Variants in DPH3 observed in about 807,000 individuals in gnomAD.
The protein encoded by DPH3 is diphthamide biosynthesis protein 3.
DPH3 carries 8 observed loss-of-function variants against 10.2 expected under a neutral mutation model. The observed-to-expected ratio is 0.79, with a 90% confidence interval of 0.46 to 1.42. DPH3 has a LOEUF of 1.42. Ranked by LOEUF, DPH3 falls within the 40% of genes most tolerant of loss-of-function variation. DPH3 has a pLI of 0.00. For synonymous variants in DPH3, 35 were observed against 35.6 expected (o/e 0.98, Z 0.06); for missense variants, 96 against 98.9 (o/e 0.97, Z 0.12).
chr3:16,264,673 G>T, intron 1 of DPH3, 96 bp downstream of exon 1: 1 of 1,205,912 alleles, frequency 8.3e-7, no homozygotes, highest in Non-Finnish European at 1.2e-6. Context: ...GGGCGTGGGT[G>T]ACACAGCGCA....
rs752360788 is a variant in DPH3 at position 16,260,585 on chromosome 3, A to G, written c.*179T>C. ...TTAAGGTTCTAAGCACAAAATCCAG[A>G]TATGTCATGTTATGGACTTGCTTCC... On this transcript the variant is annotated 3_prime_UTR_variant, in exon 3 of 3. Coordinates refer to ENST00000488423, the MANE Select transcript of DPH3 (RefSeq NM_206831.3). The G allele has an allele frequency of 1.6e-5, 8 of 509,602 alleles. No homozygotes were observed. Among genetic ancestry groups the G allele is most frequent in the African/African-American group, 1.9e-5 (1 of 52,480 alleles). The allele number at this position is 509,602 out of a possible 1,614,324, so 31.6% of individuals were successfully genotyped here. A position where few individuals can be genotyped will look rare whatever the true frequency, so the allele number is the denominator to read the frequency against.
At chr3:16,264,487 G>A (rs186588097) in intron 1 of DPH3, 265 of 557,132 alleles carry the variant, frequency 4.8e-4, no homozygotes, top group African/African-American at 4.7e-3. Flanking sequence ...TCCCCTCCTC[G>A]ACAGAAATAT....
At chr3:16,264,537 C>CA (rs1450799008) in intron 1 of DPH3, 1 of 586,916 alleles carries the variant, frequency 1.7e-6, no homozygotes, top group Non-Finnish European at 3.0e-6. Flanking sequence ...GGCAGAGAGA[C>CA]AGAGGCTCTC....
Position 16,260,030 on chromosome 3 carries a change from T to C in DPH3, c.*734A>G, listed in dbSNP as rs551703003. On this transcript the variant is annotated 3_prime_UTR_variant, in exon 3 of 3. Transcript: ENST00000488423. Reference sequence around the variant, plus strand: ...CAATTTCACTTCTTTTGGATGTTTTTCTTTTCATCTTGTCCTGACTTCCAA... The same window carrying C: ...CAATTTCACTTCTTTTGGATGTTTTCCTTTTCATCTTGTCCTGACTTCCAA... The C allele has an allele frequency of 2.2e-4, 34 of 152,352 alleles. No homozygotes were observed. The highest frequency in any genetic ancestry group is 8.2e-4 in the African/African-American group (34 of 41,582). The allele number at this position is 152,352 out of a possible 1,614,324, so 9.4% of individuals were successfully genotyped here. A position where few individuals can be genotyped will look rare whatever the true frequency, so the allele number is the denominator to read the frequency against.
Position 16,263,977 on chromosome 3 carries a change from A to C in DPH3, c.183+178T>G, listed in dbSNP as rs2064338684. On this transcript the variant is annotated intron_variant, in intron 2 of 2. Coordinates refer to ENST00000488423, the MANE Select transcript of DPH3 (RefSeq NM_206831.3). The surrounding 1 kb of genome is among the most constrained non-coding windows in gnomAD (Gnocchi z 4.0). ...AAATAAATTACGTAATCTGAACTTT[A>C]AACGTTTTAATTTACTATTCGGCTG... is the stretch of plus-strand genomic sequence containing the variant. Among the ~76,000 whole-genome samples the C allele has an allele frequency of 6.6e-6, 1 of 152,234 alleles. No individual in the cohort carries two copies. Among genetic ancestry groups the C allele is most frequent in the South Asian group, 2.1e-4 (1 of 4,836 alleles).
chr3:16,260,689 GCC>G lies in DPH3; in HGVS notation c.*73_*74del. The G allele has an allele frequency of 7.6e-7, 1 of 1,317,724 alleles. No homozygotes were observed. Among genetic ancestry groups the G allele is most frequent in the Non-Finnish European group, 1.1e-6 (1 of 926,278 alleles). 81.6% of individuals were successfully genotyped at this position (1,317,724 alleles called of 1,614,324 possible). A position where few individuals can be genotyped will look rare whatever the true frequency, so the allele number is the denominator to read the frequency against. ...AATCATAAATGGTTGTCTCTGTGAA[GCC>G]AGTAGCTTTGCATTCGATATTTCTA... On this transcript the variant is annotated 3_prime_UTR_variant, in exon 3 of 3. Transcript: ENST00000488423.
Position 16,260,722 on chromosome 3 carries a change from G to C in DPH3, c.*42C>G. ...CTTTGCATTCGATATTTCTATCTGG[G>C]CTCATTCCAAATGTTCAGGATTTGG... On this transcript the variant is annotated 3_prime_UTR_variant, in exon 3 of 3. Coordinates refer to ENST00000488423, the MANE Select transcript of DPH3 (RefSeq NM_206831.3). The C allele has an allele frequency of 6.4e-7, 1 of 1,551,010 alleles. No individual in the cohort carries two copies. The highest frequency in any genetic ancestry group is 1.1e-5 in the South Asian group (1 of 88,566).
In DPH3 at chr3:16,261,972, A is replaced by T. The variant is rs1003148867; in HGVS notation, c.184-1143T>A. ...ACCATATTCATCCTACCACCCTTTC[A>T]CTGCCCCTCACTCCCTTCATGTTCT... On this transcript the variant is annotated intron_variant, in intron 2 of 2. Transcript: ENST00000488423. The surrounding 1 kb of genome is among the most constrained non-coding windows in gnomAD (Gnocchi z 7.1). 1.4e-5 allele frequency among the ~76,000 whole-genome samples: 2 copies of T among 147,752 alleles called. No homozygotes were observed. The highest frequency in any genetic ancestry group is 5.1e-5 in the African/African-American group (2 of 39,506).
Position 16,261,325 on chromosome 3 carries a change from T to C in DPH3, c.184-496A>G, listed in dbSNP as rs902341559. On this transcript the variant is annotated intron_variant, in intron 2 of 2. Transcript: ENST00000488423. This position sits in a 1 kb window ranked among gnomAD's most constrained non-coding sequence, Gnocchi z 7.1. ...ATCTCTGGTCTTTTATCCTGGCTTA[T>C]GTCAGCTACCACCAAAAATCTCTGC... Among the ~76,000 whole-genome samples the C allele has an allele frequency of 1.1e-4, 17 of 152,254 alleles. No individual in the cohort carries two copies. The highest frequency in any genetic ancestry group is 2.1e-4 in the Non-Finnish European group (14 of 68,044).
chr3:16,261,022 A>G lies in DPH3; in HGVS notation c.184-193T>C, dbSNP rs1336784788. Among the ~76,000 whole-genome samples the G allele has an allele frequency of 6.6e-6, 1 of 152,206 alleles. No individual in the cohort carries two copies. The highest frequency in any genetic ancestry group is 1.9e-4 in the East Asian group (1 of 5,204). ...ATCTTAAACATGTATCAGTTTTTTGATCTGAATTCATTATTTAATACAAAG... is the reference window on the plus strand; with the variant it reads ...ATCTTAAACATGTATCAGTTTTTTGGTCTGAATTCATTATTTAATACAAAG... On this transcript the variant is annotated intron_variant, in intron 2 of 2. Coordinates refer to ENST00000488423, the MANE Select transcript of DPH3 (RefSeq NM_206831.3). The surrounding 1 kb of genome is among the most constrained non-coding windows in gnomAD (Gnocchi z 7.1).
At position 16,264,843 on chromosome 3, in the gene DPH3, C is replaced by A. The variant is rs1324736364; in HGVS notation, c.34G>T (p.Asp12Tyr). The A allele has an allele frequency of 6.2e-7, 1 of 1,614,232 alleles. No individual in the cohort carries two copies. The stretch of plus-strand genomic sequence containing the variant: ...TCCGAGTCCTCGTCATATTGGAAGT[C>A]CTCGATTTCCACCTCGTCATGAAAC... ...AVFHDEVEIE[D>Y]FQYDEDSETY... The change falls in exon 1 of 3, where the codon GAC becomes TAC. Residue 12 changes from aspartate to tyrosine, a missense_variant. By Grantham distance (160) the Asp-to-Tyr change is radical (BLOSUM62 -3). Coordinates refer to ENST00000488423, the MANE Select transcript of DPH3 (RefSeq NM_206831.3).
chr3:16,258,229 T>TA lies in DPH3; in HGVS notation c.*2534dup, dbSNP rs1427091322. Reference sequence around the variant, plus strand: ...ATTTAGTTTGAGTTTATAAAGGTTTTAATTGCAATTTCAGTTCCTACAAGC... The same window carrying TA: ...ATTTAGTTTGAGTTTATAAAGGTTTTAAATTGCAATTTCAGTTCCTACAAGC... On this transcript the variant is annotated 3_prime_UTR_variant, in exon 3 of 3. Coordinates refer to ENST00000488423, the MANE Select transcript of DPH3 (RefSeq NM_206831.3). 1 of 152,212 alleles carries TA rather than the reference T, an allele frequency of 6.6e-6. No homozygotes were observed. Among genetic ancestry groups the TA allele is most frequent in the East Asian group, 1.9e-4 (1 of 5,202 alleles). The allele number at this position is 152,212 out of a possible 1,614,324, so 9.4% of individuals were successfully genotyped here. A position where few individuals can be genotyped will look rare whatever the true frequency, so the allele number is the denominator to read the frequency against.
chr3:16,264,812 TAC>T lies in DPH3; in HGVS notation c.63_64del (p.Tyr22PhefsTer9), dbSNP rs2064374973. On this transcript the variant is annotated frameshift_variant, in exon 1 of 3. Transcript: ENST00000488423. LOFTEE classifies it high-confidence loss of function. ...ATCTCCACATGGGCAGGGATAGAAA[TAC>T]GTCTCCGAGTCCTCGTCATATTGGA... The T allele has an allele frequency of 6.2e-7, 1 of 1,614,080 alleles. No individual in the cohort carries two copies. The highest frequency in any genetic ancestry group is 1.1e-5 in the South Asian group (1 of 91,086).
rs1048408233 is a variant in DPH3 at position 16,261,337 on chromosome 3, C to T, written c.184-508G>A. Among the ~76,000 whole-genome samples, 1 of 152,184 alleles carries T rather than the reference C, an allele frequency of 6.6e-6. No homozygotes were observed. The highest frequency in any genetic ancestry group is 2.4e-5 in the African/African-American group (1 of 41,458). ...TTATCCTGGCTTATGTCAGCTACCA[C>T]CAAAAATCTCTGCTTCCAAGGTTAT... On this transcript the variant is annotated intron_variant, in intron 2 of 2. Coordinates refer to ENST00000488423, the MANE Select transcript of DPH3 (RefSeq NM_206831.3). The surrounding 1 kb of genome is among the most constrained non-coding windows in gnomAD (Gnocchi z 7.1).
In DPH3 at chr3:16,257,349, A is replaced by G. The variant is rs1049330077; in HGVS notation, c.*3415T>C. Among the ~76,000 whole-genome samples the G allele has an allele frequency of 2.0e-5, 3 of 152,300 alleles. No individual in the cohort carries two copies. The highest frequency in any genetic ancestry group is 2.4e-5 in the African/African-American group (1 of 41,562). On this transcript the variant is annotated 3_prime_UTR_variant, in exon 3 of 3. Transcript: ENST00000488423. ...ACCTGACCCAGTTACTCTCTCCCACATCACCTGGTTTGTTTCCTTGGGGGC... is the reference window on the plus strand; with the variant it reads ...ACCTGACCCAGTTACTCTCTCCCACGTCACCTGGTTTGTTTCCTTGGGGGC...
rs182898150 is a variant in DPH3, at chr3:16,261,790, A to G, written c.184-961T>C. Among the ~76,000 whole-genome samples the G allele has an allele frequency of 2.2e-3, 336 of 152,298 alleles. 2 individuals are homozygous for G. Among genetic ancestry groups the G allele is most frequent in the African/African-American group, 7.9e-3 (328 of 41,578 alleles). On this transcript the variant is annotated intron_variant, in intron 2 of 2. Transcript: ENST00000488423. This position sits in a 1 kb window ranked among gnomAD's most constrained non-coding sequence, Gnocchi z 7.1. Reference sequence around the variant, plus strand: ...AGAGTCCTAGTACCAGAGGGATTGGAAGTGGGGCTAGTTCCTCCTTTTTGC... The same window carrying G: ...AGAGTCCTAGTACCAGAGGGATTGGGAGTGGGGCTAGTTCCTCCTTTTTGC...
Sources: allele counts gnomAD v4.1 joint callset (sites outside exome capture counted in the v4.1 genomes callset), GRCh38; gene constraint gnomAD v4.1.1; non-coding constraint Gnocchi (gnomAD v3.1); transcripts MANE v1.5; gene names NCBI Gene and HGNC (gene_info 2026-07-23, HGNC 2026-07-21).